Variants in STAG1 observed in about 807,000 individuals in gnomAD.
The protein encoded by STAG1 is STAG1 cohesin complex component.
In STAG1, 26 loss-of-function variants were observed where a neutral mutation model predicts 170.9. That is an observed-to-expected ratio of 0.15 (90% CI 0.11 to 0.21). STAG1 has a LOEUF of 0.21. Among genes scored for constraint, STAG1 ranks in the 10% least tolerant of loss-of-function variants. STAG1 has a pLI of 1.00. For missense variants in STAG1, 964 were observed against 1,509.5 expected (o/e 0.64, Z 5.99); for synonymous variants, 514 against 497.7 (o/e 1.03, Z -0.44).
At chr3:136,587,788 C>G (rs1270961664) in intron 4 of STAG1, among the ~76,000 whole-genome samples, 2 of 152,040 alleles carry the variant, frequency 1.3e-5, no homozygotes, top group Non-Finnish European at 2.9e-5. Flanking sequence ...AACCCTATCT[C>G]TACCAAAAAC....
intron 11 of STAG1, 49 bp downstream of exon 11, chr3:136,473,490 G>C (rs762230880): frequency 1.5e-6 from 2 of 1,357,852 alleles, no homozygotes; most frequent in South Asian, 2.4e-5. Flanking sequence ...GCTGTAACTA[G>C]CATTTGTAAA....
intron 12 of STAG1, among the ~76,000 whole-genome samples, chr3:136,471,598 G>A (rs925825597): frequency 6.6e-6 from 1 of 152,128 alleles, no homozygotes; most frequent in Non-Finnish European, 1.5e-5. Context: ...CACAAAGTAG[G>A]GAGAGGAGGA....
At chr3:136,539,271 A>C (rs1376340541) in intron 6 of STAG1, among the ~76,000 whole-genome samples, 1 of 152,158 alleles carries the variant, frequency 6.6e-6, no homozygotes, top group Non-Finnish European at 1.5e-5. Flanking sequence ...ATACTATTTA[A>C]CCATTTTTAT....
chr3:136,650,528 C>A (rs1307962040), intron 1 of STAG1, among the ~76,000 whole-genome samples: 1 of 152,140 alleles, frequency 6.6e-6, no homozygotes, highest in Non-Finnish European at 1.5e-5. Context: ...TAGTAACACA[C>A]TGCTAAAAAG....
At chr3:136,448,559 C>T (rs1244705391) in intron 14 of STAG1, among the ~76,000 whole-genome samples, 1 of 152,188 alleles carries the variant, frequency 6.6e-6, no homozygotes, top group Non-Finnish European at 1.5e-5. Context: ...CCTGGTCCCA[C>T]CCTTGACACA....
chr3:136,383,709 A>G (rs1020170008), intron 22 of STAG1, among the ~76,000 whole-genome samples: 1 of 152,110 alleles, frequency 6.6e-6, no homozygotes, highest in African/African-American at 2.4e-5. Flanking sequence ...TAATCCCAGC[A>G]CTTTGGGAGG....
intron 1 of STAG1, among the ~76,000 whole-genome samples, chr3:136,655,226 C>A (rs1178833018): frequency 6.6e-6 from 1 of 152,114 alleles, no homozygotes; most frequent in Non-Finnish European, 1.5e-5. Flanking sequence ...AAACCTTTGC[C>A]AAGTATACAT....
chr3:136,446,244 T>C (rs970050350), intron 14 of STAG1, among the ~76,000 whole-genome samples: 6 of 152,122 alleles, frequency 3.9e-5, no homozygotes, highest in African/African-American at 1.4e-4. Context: ...CAGGTTTTTG[T>C]TTTTTGTTTT....
chr3:136,376,016 C>CAAAAT (rs71157376), intron 23 of STAG1, among the ~76,000 whole-genome samples: 34,487 of 115,500 alleles, frequency 0.3, 5,108 homozygotes, highest in African/African-American at 0.38. Context: ...AAATAATTAA[C>CAAAAT]AAAATAAAAT....
chr3:136,563,029 G>C (rs1936908460), intron 5 of STAG1, among the ~76,000 whole-genome samples: 1 of 152,186 alleles, frequency 6.6e-6, no homozygotes, highest in African/African-American at 2.4e-5. Context: ...TCACAGAAGT[G>C]ATGTTGAGTT....
At chr3:136,387,742 A>T (rs1274591532) in intron 22 of STAG1, among the ~76,000 whole-genome samples, 1 of 152,130 alleles carries the variant, frequency 6.6e-6, no homozygotes, top group Non-Finnish European at 1.5e-5. Context: ...GGCGATCTGA[A>T]TCCCCACCTG....
At chr3:136,518,423 G>C in intron 7 of STAG1, 1 of 699,982 alleles carries the variant, frequency 1.4e-6, no homozygotes. Context: ...GTCCTGCAAA[G>C]TGAATAAAAA....
chr3:136,426,341 G>C (rs1365726896), intron 16 of STAG1, among the ~76,000 whole-genome samples: 1 of 152,092 alleles, frequency 6.6e-6, no homozygotes, highest in African/African-American at 2.4e-5. Flanking sequence ...ACCCCCAGGG[G>C]GCGGAGCCTG....
chr3:136,395,596 C>G (rs1409711738), intron 22 of STAG1, among the ~76,000 whole-genome samples: 1 of 151,936 alleles, frequency 6.6e-6, no homozygotes, highest in Non-Finnish European at 1.5e-5. Context: ...ACTCCTCCAG[C>G]CTAGGTGACA....
chr3:136,338,101 T>C lies in STAG1; in HGVS notation c.*153A>G, dbSNP rs765134977. On this transcript the variant is annotated 3_prime_UTR_variant, in exon 34 of 34. Transcript: ENST00000383202. ...CCCTTGGGTAATTTACATGCTCCTC[T>C]TCTGTCACTGCAAAAAGGGATTGAC... 2 of 606,652 alleles carry C rather than the reference T, an allele frequency of 3.3e-6. No individual in the cohort carries two copies. The highest frequency in any genetic ancestry group is 5.9e-6 in the Non-Finnish European group (2 of 338,306). The allele number at this position is 606,652 out of a possible 1,614,324, so 37.6% of individuals were successfully genotyped here. A position where few individuals can be genotyped will look rare whatever the true frequency, so the allele number is the denominator to read the frequency against.
chr3:136,443,482 T>C (rs970727127), intron 14 of STAG1, 78 bp from the exon 15 acceptor site: 9 of 1,003,672 alleles, frequency 9.0e-6, no homozygotes, highest in Middle Eastern at 2.1e-4. Context: ...TAAGAAATCA[T>C]TTTCTTCATA....
At chr3:136,454,578 C>A (rs1323614727) in intron 13 of STAG1, among the ~76,000 whole-genome samples, 1 of 151,792 alleles carries the variant, frequency 6.6e-6, no homozygotes, top group Admixed American at 6.6e-5. Flanking sequence ...TGGGGTTTCA[C>A]CATGTTGGCC....
At chr3:136,559,972 T>C (rs1209257456) in intron 5 of STAG1, among the ~76,000 whole-genome samples, 1 of 152,200 alleles carries the variant, frequency 6.6e-6, no homozygotes, top group African/African-American at 2.4e-5. Context: ...TGTGAGGACC[T>C]AAATAAATAG....
At chr3:136,738,806 CAAAT>C (rs1934493092) in intron 1 of STAG1, among the ~76,000 whole-genome samples, 1 of 152,074 alleles carries the variant, frequency 6.6e-6, no homozygotes, top group Admixed American at 6.6e-5. Flanking sequence ...TTCACCACAC[CAAAT>C]AAATATGTGA....
Sources: gnomAD v4.1 joint callset for allele counts (sites outside exome capture counted in the v4.1 genomes callset) on GRCh38, gnomAD v4.1.1 for gene constraint, MANE v1.5 for transcripts, NCBI Gene and HGNC (gene_info 2026-07-23, HGNC 2026-07-21) for gene names.